KARS1: variants seen among roughly 807,000 people sequenced by gnomAD.
KARS1 encodes the protein lysyl-tRNA synthetase 1.
Under a neutral mutation model 63.9 loss-of-function variants are expected in KARS1, and 50 were observed. The ratio of observed to expected loss-of-function variants is 0.78; its 90% CI spans 0.62 to 0.99. The LOEUF is 0.99. Ranked by LOEUF, KARS1 falls within the 50% of genes least tolerant of loss-of-function variation. The pLI is 0.00. For synonymous variants in KARS1, 320 were observed against 264.6 expected, an observed-to-expected ratio of 1.21 and a Z score of -2.03; for missense variants, 816 against 754.5, an observed-to-expected ratio of 1.08 and a Z score of -0.95.
At chr16:75,630,942 T>C (rs764348528) in intron 10 of KARS1, among the ~76,000 whole-genome samples, 7 of 152,156 alleles carry the variant, frequency 4.6e-5, no homozygotes, top group Non-Finnish European at 1.0e-4. Flanking sequence ...CCCTACCCTA[T>C]AGCTTTTTAA....
chr16:75,628,286 C>T (rs2082073340), intron 13 of KARS1, among the ~76,000 whole-genome samples: 1 of 152,228 alleles, frequency 6.6e-6, no homozygotes, highest in Admixed American at 6.5e-5. Context: ...AGTTTCTACA[C>T]CTCATAAGGC....
intron 1 of KARS1, among the ~76,000 whole-genome samples, chr16:75,646,425 C>T (rs1217872262): frequency 6.6e-6 from 1 of 151,948 alleles, no homozygotes; most frequent in Non-Finnish European, 1.5e-5. Context: ...CCTGTAATCC[C>T]AGCTACTCGG....
intron 2 of KARS1, 74 bp from the exon 3 acceptor site, chr16:75,640,423 G>C (rs1597174263): frequency 2.1e-6 from 3 of 1,434,908 alleles, no homozygotes; most frequent in Non-Finnish European, 2.9e-6. Flanking sequence ...CCTAGCAGAG[G>C]GCAGTATTCT....
intron 3 of KARS1, 55 bp from the exon 4 acceptor site, chr16:75,636,602 T>G: frequency 2.7e-6 from 3 of 1,119,136 alleles, no homozygotes; most frequent in Non-Finnish European, 4.0e-6. Context: ...CATTTTATGG[T>G]ATCAGTGTCA....
intron 1 of KARS1, 105 bp from the exon 2 acceptor site, chr16:75,641,828 CT>C (rs1302426629): frequency 1.7e-6 from 2 of 1,209,310 alleles, no homozygotes; most frequent in Admixed American, 1.7e-5. Flanking sequence ...GAGAAACGCT[CT>C]TGCTCAGTTC....
rs1555512840 is a variant in KARS1, at chr16:75,631,262, C to T, written c.1253-9G>A. On this transcript the variant is annotated splice_polypyrimidine_tract_variant and intron_variant, in intron 9 of 13. Transcript: ENST00000302445. Reference sequence around the variant, plus strand: ...AAGAATTTTGCGAGTTTCTGGGACACAAATGCAAAAGTTAGGGCAGGAGAC... The same window carrying T: ...AAGAATTTTGCGAGTTTCTGGGACATAAATGCAAAAGTTAGGGCAGGAGAC... 2 of 1,613,292 alleles carry T rather than the reference C, an allele frequency of 1.2e-6. No individual in the cohort carries two copies. The highest frequency in any genetic ancestry group is 1.7e-5 in the Admixed American group (1 of 59,938).
intron 10 of KARS1, 58 bp from the exon 11 acceptor site, chr16:75,630,566 C>A: frequency 9.4e-7 from 1 of 1,059,604 alleles, no homozygotes. Flanking sequence ...TTGATCGTCC[C>A]AGCCCAGACA....
chr16:75,634,031 C>T, intron 7 of KARS1, 142 bp downstream of exon 7: 2 of 867,452 alleles, frequency 2.3e-6, no homozygotes, highest in Non-Finnish European at 3.9e-6. Flanking sequence ...GTGTTACTCA[C>T]ATCCACACAC....
chr16:75,640,259 G>A lies in KARS1; in HGVS notation c.313C>T (p.Leu105Phe). 1 of 1,613,670 alleles carries A rather than the reference G, an allele frequency of 6.2e-7. No individual in the cohort carries two copies. Among genetic ancestry groups the A allele is most frequent in the Non-Finnish European group, 8.5e-7 (1 of 1,179,810 alleles). The change falls in exon 3 of 14, where the codon CTC becomes TTC. Residue 105 changes from leucine to phenylalanine, a missense_variant. Coordinates refer to ENST00000302445, the MANE Select transcript of KARS1 (RefSeq NM_005548.3). Reference sequence around the variant, plus strand: ...CTATATTTTTGGATGAAGTCAGTGAGTGAGATGTCTACATGGAACTTGTGT... The same window carrying A: ...CTATATTTTTGGATGAAGTCAGTGAATGAGATGTCTACATGGAACTTGTGT... ...YPHKFHVDIS[L>F]TDFIQKYSHL...
At chr16:75,633,941 G>C in intron 7 of KARS1, 3 of 520,598 alleles carry the variant, frequency 5.8e-6, no homozygotes, top group Non-Finnish European at 3.6e-6. Context: ...TAGGTAAGGA[G>C]TGCCTGTATA....
chr16:75,643,429 G>A (rs369658404), intron 1 of KARS1, among the ~76,000 whole-genome samples: 25 of 150,804 alleles, frequency 1.7e-4, no homozygotes, highest in Admixed American at 3.3e-4. Flanking sequence ...CCAGGCTGGA[G>A]TGCAGTGGTG....
At chr16:75,638,631 A>G (rs988758208) in intron 3 of KARS1, among the ~76,000 whole-genome samples, 33 of 152,240 alleles carry the variant, frequency 2.2e-4, no homozygotes, top group Non-Finnish European at 4.4e-4. Flanking sequence ...TAAAGTAAAA[A>G]ATCTTTCAGA....
In KARS1 at chr16:75,635,669, A is replaced by G. The variant is rs1261399429; in HGVS notation, c.795+11T>C. On this transcript the variant is annotated intron_variant, in intron 6 of 13. Coordinates refer to ENST00000302445, the MANE Select transcript of KARS1 (RefSeq NM_005548.3). ...GGCAGCTCATCACGTCAGGCAAGGA[A>G]CTCTCCTTACCTCTAGGAATCCCAG... 6.2e-7 allele frequency: 1 copy of G among 1,613,114 alleles called. No individual in the cohort carries two copies. The highest frequency in any genetic ancestry group is 8.5e-7 in the Non-Finnish European group (1 of 1,179,678).
intron 1 of KARS1, chr16:75,642,744 G>T (rs986540856): frequency 6.6e-6 from 1 of 152,168 alleles, no homozygotes; most frequent in African/African-American, 2.4e-5. Context: ...AGTACAGGGG[G>T]TAATATACCA....
intron 11 of KARS1, 88 bp downstream of exon 11, chr16:75,630,335 C>G: frequency 1.2e-6 from 1 of 866,172 alleles, no homozygotes; most frequent in Non-Finnish European, 1.9e-6. Flanking sequence ...AGAAAGACCA[C>G]CAGTCAAACC....
At position 75,631,432 on chromosome 16, in the gene KARS1, G is replaced by A. The variant is rs757236374; in HGVS notation, c.1236C>T (p.Asn412=). ...KALGMKLPET[N]LFETEETRKI... is the part of the protein sequence containing the mutation. ...TCACTTTACCTTCAGTTTCAAAGAG[G>A]TTCGTTTCTGGCAGCTTCATCCCCA... The change falls in exon 9 of 14, where the codon AAC becomes AAT. Residue 412 remains asparagine, a synonymous_variant. Coordinates refer to ENST00000302445, the MANE Select transcript of KARS1 (RefSeq NM_005548.3). 1.9e-6 allele frequency: 3 copies of A among 1,614,014 alleles called. No homozygotes were observed. The highest frequency in any genetic ancestry group is 2.2e-5 in the East Asian group (1 of 44,898).
chr16:75,633,843 G>A, intron 7 of KARS1: 1 of 354,250 alleles, frequency 2.8e-6, no homozygotes, highest in Non-Finnish European at 5.5e-6. Context: ...AACTTCCACA[G>A]ACAGATTAGG....
rs565332622 is a variant in KARS1, at chr16:75,640,092, G to A, written c.388+92C>T. ...GTAGCTTCAGACACAGGCTACTTGAGAACAAGACCAACCCAGACCTTCCCT... is the reference window on the plus strand; with the variant it reads ...GTAGCTTCAGACACAGGCTACTTGAAAACAAGACCAACCCAGACCTTCCCT... On this transcript the variant is annotated intron_variant, in intron 3 of 13. Transcript: ENST00000302445. 3.6e-5 allele frequency: 40 copies of A among 1,104,072 alleles called. No homozygotes were observed. The East Asian group carries it at 9.4e-4, about 26-fold the overall frequency. 68.4% of individuals were successfully genotyped at this position (1,104,072 alleles called of 1,614,324 possible).
At position 75,641,576 on chromosome 16, in the gene KARS1, G is replaced by A. The variant is rs1478772094; in HGVS notation, c.210C>T (p.Ser70=). 20 of 1,613,390 alleles carry A rather than the reference G, an allele frequency of 1.2e-5. No individual in the cohort carries two copies. The highest frequency in any genetic ancestry group is 2.7e-5 in the African/African-American group (2 of 74,886). ...CCAGGGAACTCACATTTGGGTCCAC[G>A]CTCTCTTCCTCAGGACCCACACCAT... The part of the protein sequence containing the change: ...TDNGVGPEEE[S]VDPNQYYKIR... The change falls in exon 2 of 14, where the codon AGC becomes AGT. Residue 70 remains serine, a synonymous_variant. Transcript: ENST00000302445.
Sources: gnomAD v4.1 joint callset for allele counts (sites outside exome capture counted in the v4.1 genomes callset) on GRCh38, gnomAD v4.1.1 for gene constraint, MANE v1.5 for transcripts, NCBI Gene and HGNC (gene_info 2026-07-23, HGNC 2026-07-21) for gene names.